The following ACO1 variants were observed in gnomAD, a reference collection of about 807,000 sequenced individuals.
ACO1 encodes the protein cytoplasmic aconitate hydratase.
A neutral mutation model predicts 105.1 loss-of-function variants in ACO1; 78 were observed. That is an observed-to-expected ratio of 0.74 (90% CI 0.62 to 0.90). The LOEUF (loss-of-function observed/expected upper bound fraction) is 0.90. ACO1 is among the 40% of genes least tolerant of loss of function. ACO1 has a pLI of 0.00. For synonymous variants in ACO1, 364 were observed against 397.4 expected (o/e 0.92, Z 1.00); for missense variants, 965 against 1,111.1 (o/e 0.87, Z 1.87).
At position 32,448,915 on chromosome 9, in the gene ACO1, C is replaced by A. The variant is rs1302996104; in HGVS notation, c.2390C>A (p.Ala797Asp). The A allele has an allele frequency of 6.2e-7, 1 of 1,614,190 alleles. No individual in the cohort carries two copies. Among genetic ancestry groups the A allele is most frequent in the South Asian group, 1.1e-5 (1 of 91,072 alleles). The change falls in exon 20 of 21, where the codon GCC (alanine) becomes GAC (aspartate). Residue 797 changes from alanine to aspartate, a missense_variant. Physicochemically the swap from Ala to Asp is moderately radical, Grantham distance 126. Coordinates refer to ENST00000309951, the MANE Select transcript of ACO1 (RefSeq NM_002197.3). ...PFLLGIKAVLAESYERIHRSN... is the reference protein window; with the variant it reads ...PFLLGIKAVLDESYERIHRSN... ...CATCAGGGAATCAAAGCCGTCCTGG[C>A]CGAGAGCTACGAGCGCATTCACCGC...
chr9:32,396,306 T>G (rs1255546748), intron 1 of ACO1, among the ~76,000 whole-genome samples: 1 of 152,224 alleles, frequency 6.6e-6, no homozygotes, highest in African/African-American at 2.4e-5. Context: ...AAGTCCCTAC[T>G]GTGGCCACTT....
chr9:32,412,625 G>A (rs1277235227), intron 4 of ACO1, among the ~76,000 whole-genome samples: 1 of 152,104 alleles, frequency 6.6e-6, no homozygotes, highest in Non-Finnish European at 1.5e-5. Flanking sequence ...CCATGTACTC[G>A]CCAACTCTTC....
At chr9:32,418,705 G>A (rs2118460823) in intron 6 of ACO1, among the ~76,000 whole-genome samples, 194 bp downstream of exon 6, 1 of 152,284 alleles carries the variant, frequency 6.6e-6, no homozygotes, top group African/African-American at 2.4e-5. Context: ...ATGCTTGGAA[G>A]AATGAACAGA....
intron 1 of ACO1, among the ~76,000 whole-genome samples, chr9:32,389,819 G>A (rs1344930042): frequency 4.4e-5 from 2 of 45,706 alleles, no homozygotes; most frequent in Admixed American, 2.4e-4. Context: ...TTTTTTTTGA[G>A]ACAGCGTCTC....
At chr9:32,427,800 C>G (rs75487909) in intron 12 of ACO1, among the ~76,000 whole-genome samples, 1 of 152,194 alleles carries the variant, frequency 6.6e-6, no homozygotes, top group African/African-American at 2.4e-5. Context: ...ATAATGTAAA[C>G]CGTAGCTTAC....
intron 4 of ACO1, among the ~76,000 whole-genome samples, chr9:32,411,770 A>G (rs1821743961): frequency 6.6e-6 from 1 of 152,242 alleles, no homozygotes; most frequent in Admixed American, 6.5e-5. Context: ...TGATAGCACT[A>G]TAAATTAGAA....
chr9:32,413,482 CAAAAAAA>C (rs35294620), intron 4 of ACO1, among the ~76,000 whole-genome samples: 1 of 132,640 alleles, frequency 7.5e-6, no homozygotes, highest in Non-Finnish European at 1.6e-5. Context: ...GACTCTATCT[CAAAAAAA>C]AAAAAAAAAA....
At chr9:32,389,119 A>G (rs1821212665) in intron 1 of ACO1, among the ~76,000 whole-genome samples, 1 of 152,228 alleles carries the variant, frequency 6.6e-6, no homozygotes, top group East Asian at 1.9e-4. Context: ...CACTGGTGTT[A>G]CAAAATAGTG....
chr9:32,425,891 C>A lies in ACO1; in HGVS notation c.1242C>A (p.Thr414=). The A allele has an allele frequency of 6.2e-7, 1 of 1,613,874 alleles. No individual in the cohort carries two copies. Among genetic ancestry groups the A allele is most frequent in the African/African-American group, 1.3e-5 (1 of 74,982 alleles). ...CTGAACATCATAATGACCATAAGACCTTTATCTATGATAACACTGAATTCA... is the reference window on the plus strand; with the variant it reads ...CTGAACATCATAATGACCATAAGACATTTATCTATGATAACACTGAATTCA... ...VAPEHHNDHK[T]FIYDNTEFTL... Residue 414 remains threonine (T), a synonymous_variant, in exon 11 of 21, where the codon ACC becomes ACA. Transcript: ENST00000309951.
At position 32,405,427 on chromosome 9, in the gene ACO1, G is replaced by C; in HGVS notation, c.-22-58G>C. The C allele has an allele frequency of 4.8e-6, 5 of 1,034,382 alleles. No homozygotes were observed. The South Asian group carries it at 6.9e-5, about 14-fold the overall frequency. 64.1% of individuals were successfully genotyped at this position (1,034,382 alleles called of 1,614,324 possible). A position where few individuals can be genotyped will look rare whatever the true frequency, so the allele number is the denominator to read the frequency against. On this transcript the variant is annotated intron_variant, in intron 1 of 20. Coordinates refer to ENST00000309951, the MANE Select transcript of ACO1 (RefSeq NM_002197.3). Reference sequence around the variant, plus strand: ...AAAACTAAGCCTTCCTCCCAGTCCTGATTTCTAGGTCCCAGACCTCTTAAA... The same window carrying C: ...AAAACTAAGCCTTCCTCCCAGTCCTCATTTCTAGGTCCCAGACCTCTTAAA...
chr9:32,417,731 C>A (rs115301426), intron 4 of ACO1, among the ~76,000 whole-genome samples: 3,411 of 152,218 alleles, frequency 0.022, 122 homozygotes, highest in African/African-American at 0.075. Flanking sequence ...CAGACACATT[C>A]CAGGTCAGAG....
intron 4 of ACO1, among the ~76,000 whole-genome samples, chr9:32,412,609 A>G (rs1255462573): frequency 6.6e-6 from 1 of 152,200 alleles, no homozygotes; most frequent in African/African-American, 2.4e-5. Flanking sequence ...TGGTACTTGG[A>G]ACAGACCATG....
chr9:32,418,066 T>A (rs1233452390), intron 4 of ACO1, 62 bp from the exon 5 acceptor site: 7 of 1,484,356 alleles, frequency 4.7e-6, no homozygotes, highest in Non-Finnish European at 6.5e-6. Context: ...TCATCACCAA[T>A]AAATTTGACC....
chr9:32,389,152 AAAG>A (rs557525522), intron 1 of ACO1, among the ~76,000 whole-genome samples: 2 of 152,210 alleles, frequency 1.3e-5, no homozygotes, highest in Middle Eastern at 3.2e-3. Context: ...TAAACTAAAA[AAAG>A]CATGTTACAC....
chr9:32,418,922 T>C (rs1821909744), intron 6 of ACO1, 116 bp from the exon 7 acceptor site: 1 of 1,253,552 alleles, frequency 8.0e-7, no homozygotes, highest in Admixed American at 3.0e-5. Context: ...AACATGACTC[T>C]GCACCAATTA....
At chr9:32,424,835 A>C (rs1019641306) in intron 10 of ACO1, among the ~76,000 whole-genome samples, 170 bp downstream of exon 10, 4 of 152,194 alleles carry the variant, frequency 2.6e-5, no homozygotes, top group Non-Finnish European at 5.9e-5. Context: ...GTCACGAGCC[A>C]AGCGGCAAGA....
At chr9:32,428,862 G>A (rs921094802) in intron 12 of ACO1, among the ~76,000 whole-genome samples, 5 of 151,774 alleles carry the variant, frequency 3.3e-5, no homozygotes, top group Admixed American at 2.6e-4. Flanking sequence ...AAAAGTCAGC[G>A]TGAGTTTGTT....
At position 32,403,744 on chromosome 9, in the gene ACO1, A is replaced by T. The variant is rs1026214288; in HGVS notation, c.-22-1741A>T. Among the ~76,000 whole-genome samples, 9 of 152,274 alleles carry T rather than the reference A, an allele frequency of 5.9e-5. 2 individuals carry two copies. The South Asian group carries it at 1.9e-3, about 32-fold the overall frequency. ...AAGGATGATTCAGACACTTAAGGCCATTGAAAGAGGTGAATGACCCATCTT... is the reference window on the plus strand; with the variant it reads ...AAGGATGATTCAGACACTTAAGGCCTTTGAAAGAGGTGAATGACCCATCTT... On this transcript the variant is annotated intron_variant, in intron 1 of 20. Coordinates refer to ENST00000309951, the MANE Select transcript of ACO1 (RefSeq NM_002197.3).
rs186976107 is a variant in ACO1 at position 32,390,913 on chromosome 9, C to G, written c.-23+6178C>G. On this transcript the variant is annotated intron_variant, in intron 1 of 20. Transcript: ENST00000309951. ...TACAATGCATCCCCTCACCTCCCCC[C>G]ACCAGGCGAAAGACCTGAAAAAATA... Among the ~76,000 whole-genome samples, 148 of 152,302 alleles carry G rather than the reference C, an allele frequency of 9.7e-4. 1 individual carries two copies. Among genetic ancestry groups the G allele is most frequent in the African/African-American group, 3.4e-3 (140 of 41,566 alleles).
Sources: allele counts gnomAD v4.1 joint callset (sites outside exome capture counted in the v4.1 genomes callset), GRCh38; gene constraint gnomAD v4.1.1; transcripts MANE v1.5; gene names NCBI Gene and HGNC (gene_info 2026-07-23, HGNC 2026-07-21).